Variants in UFM1 observed in about 807,000 individuals in gnomAD.
UFM1 encodes the protein ubiquitin fold modifier 1.
A neutral mutation model predicts 15.4 loss-of-function variants in UFM1; 9 were observed. The observed-to-expected ratio is 0.59, with a 90% CI of 0.35 to 1.02. The LOEUF (loss-of-function observed/expected upper bound fraction) is 1.02, where lower values mean the gene tolerates loss of function less well. Among genes scored for constraint, UFM1 ranks in the 50% least tolerant of loss-of-function variants. The pLI is 0.02. For synonymous variants in UFM1, 27 were observed against 36.3 expected (o/e 0.74, Z 0.92); for missense variants, 98 against 104.7 (o/e 0.94, Z 0.28).
intron 3 of UFM1, chr13:38,354,640 T>G (rs1280694659): frequency 5.8e-6 from 1 of 173,478 alleles, no homozygotes; most frequent in African/African-American, 2.4e-5. Context: ...TTACTAGTCT[T>G]GATTCCAAAA....
At chr13:38,352,218 C>T (rs1441070874) in intron 2 of UFM1, among the ~76,000 whole-genome samples, 1 of 151,532 alleles carries the variant, frequency 6.6e-6, no homozygotes, top group Non-Finnish European at 1.5e-5. Context: ...CTTCCTCAGC[C>T]TCCCAAATAG....
chr13:38,357,690 A>G (rs1879170491), intron 3 of UFM1, among the ~76,000 whole-genome samples: 1 of 151,988 alleles, frequency 6.6e-6, no homozygotes, highest in Admixed American at 6.6e-5. Flanking sequence ...CAGACAGGCG[A>G]TTAATATGTA....
At chr13:38,353,210 A>G (rs1878941083) in intron 2 of UFM1, among the ~76,000 whole-genome samples, 1 of 152,124 alleles carries the variant, frequency 6.6e-6, no homozygotes, top group Non-Finnish European at 1.5e-5. Flanking sequence ...ATAGTCAGAG[A>G]TCTGTAGACT....
At chr13:38,360,670 A>T (rs1345727295) in intron 5 of UFM1, 41 bp from the exon 6 acceptor site, 2 of 1,439,922 alleles carry the variant, frequency 1.4e-6, no homozygotes, top group East Asian at 4.6e-5. Context: ...AGATAACTTG[A>T]TTTTTAGATA....
intron 2 of UFM1, 117 bp downstream of exon 2, chr13:38,350,172 A>G (rs763813597): frequency 1.2e-5 from 19 of 1,613,668 alleles, no homozygotes; most frequent in South Asian, 4.4e-5. Context: ...CACTTCATCT[A>G]CTTTCCTGGC....
At chr13:38,351,654 T>A (rs1041601497) in intron 2 of UFM1, among the ~76,000 whole-genome samples, 3 of 152,240 alleles carry the variant, frequency 2.0e-5, no homozygotes, top group Admixed American at 6.5e-5. Context: ...GGTTTTTCCC[T>A]TTCTACTGGA....
In UFM1 at chr13:38,350,020, C is replaced by G. The variant is rs1288791749; in HGVS notation, c.24C>G (p.Ile8Met). MSKVSFKITLTSDPRLPY... is the reference protein window; with the variant it reads MSKVSFKMTLTSDPRLPY... ...TCAGGTCGAAGGTTTCCTTTAAGAT[C>G]ACGCTGACGTCGGACCCACGGCTGC... Residue 8 changes from isoleucine to methionine, a missense_variant, in exon 2 of 6, where the codon ATC becomes ATG. Coordinates refer to ENST00000239878, the MANE Select transcript of UFM1 (RefSeq NM_016617.4). 1.2e-6 allele frequency: 2 copies of G among 1,614,262 alleles called. No homozygotes were observed. The highest frequency in any genetic ancestry group is 1.7e-6 in the Non-Finnish European group (2 of 1,180,054).
chr13:38,351,398 T>TA (rs1878842611), intron 2 of UFM1, among the ~76,000 whole-genome samples: 1 of 151,634 alleles, frequency 6.6e-6, no homozygotes. Context: ...AAAGATTGTT[T>TA]AAAAATTTCA....
chr13:38,351,073 T>C (rs1395966159), intron 2 of UFM1, among the ~76,000 whole-genome samples: 1 of 152,230 alleles, frequency 6.6e-6, no homozygotes, highest in Non-Finnish European at 1.5e-5. Flanking sequence ...TTAATCACAG[T>C]GATTTTTTAT....
chr13:38,350,593 A>G (rs73460276), intron 2 of UFM1, among the ~76,000 whole-genome samples: 3,298 of 152,230 alleles, frequency 0.022, 99 homozygotes, highest in African/African-American at 0.074. Context: ...CACCCTTCCT[A>G]TGCTGGGATT....
chr13:38,350,082 T>C, intron 2 of UFM1, 27 bp downstream of exon 2: 1 of 1,614,190 alleles, frequency 6.2e-7, no homozygotes, highest in African/African-American at 1.3e-5. Flanking sequence ...AGATGGGCCT[T>C]TTGGGGCCGG....
At position 38,350,069 on chromosome 13, in the gene UFM1, C is replaced by A; in HGVS notation, c.59+14C>A. 1.9e-6 allele frequency: 3 copies of A among 1,614,236 alleles called. No individual in the cohort carries two copies. Among genetic ancestry groups the A allele is most frequent in the Non-Finnish European group, 2.5e-6 (3 of 1,180,048 alleles). Reference sequence around the variant, plus strand: ...GCCGTACAAAGTGTGAGTAGCTCGGCCGAGATGGGCCTTTTGGGGCCGGAC... The same window carrying A: ...GCCGTACAAAGTGTGAGTAGCTCGGACGAGATGGGCCTTTTGGGGCCGGAC... On this transcript the variant is annotated intron_variant, in intron 2 of 5. Transcript: ENST00000239878.
In UFM1 at chr13:38,362,404, A is replaced by C. The variant is rs1879449266; in HGVS notation, c.*1626A>C. ...CAGGATTATGAATTATCAAAGGAAAAAGTATTTGCTGAGGTGAAAAAATCT... is the reference window on the plus strand; with the variant it reads ...CAGGATTATGAATTATCAAAGGAAACAGTATTTGCTGAGGTGAAAAAATCT... On this transcript the variant is annotated 3_prime_UTR_variant, in exon 6 of 6. Coordinates refer to ENST00000239878, the MANE Select transcript of UFM1 (RefSeq NM_016617.4). 1 of 152,114 alleles carries C rather than the reference A, an allele frequency of 6.6e-6. No individual in the cohort carries two copies. The highest frequency in any genetic ancestry group is 1.5e-5 in the Non-Finnish European group (1 of 68,008). 9.4% of individuals were successfully genotyped at this position (152,114 alleles called of 1,614,324 possible).
intron 2 of UFM1, 22 bp from the exon 3 acceptor site, chr13:38,354,217 T>A: frequency 6.2e-7 from 1 of 1,604,892 alleles, no homozygotes; most frequent in Non-Finnish European, 8.5e-7. Context: ...TAAAAGAAAC[T>A]GTTTTAAAAT....
At chr13:38,350,281 T>A (rs1335747023) in intron 2 of UFM1, 1 of 1,535,144 alleles carries the variant, frequency 6.5e-7, no homozygotes, top group Non-Finnish European at 8.8e-7. Flanking sequence ...GTCACGAGGG[T>A]GTGGGTGTGT....
At position 38,361,982 on chromosome 13, in the gene UFM1, A is replaced by T. The variant is rs970417013; in HGVS notation, c.*1204A>T. On this transcript the variant is annotated 3_prime_UTR_variant, in exon 6 of 6. Transcript: ENST00000239878. ...ACATACAGACTTCAAAATACCCCTT[A>T]TGAGAATCCAAAGAATGATGTGTGT... 1.1e-4 allele frequency: 17 copies of T among 152,338 alleles called. No homozygotes were observed. Among genetic ancestry groups the T allele is most frequent in the African/African-American group, 4.1e-4 (17 of 41,580 alleles). The allele number at this position is 152,338 out of a possible 1,614,324, so 9.4% of individuals were successfully genotyped here. A position where few individuals can be genotyped will look rare whatever the true frequency, so the allele number is the denominator to read the frequency against.
At chr13:38,350,354 G>A in intron 2 of UFM1, 1 of 992,674 alleles carries the variant, frequency 1.0e-6, no homozygotes, top group Non-Finnish European at 1.5e-6. Context: ...AGGACAGGTG[G>A]ACCAGGTTCT....
chr13:38,351,845 G>T (rs757597871), intron 2 of UFM1, among the ~76,000 whole-genome samples: 43 of 152,144 alleles, frequency 2.8e-4, no homozygotes, highest in Non-Finnish European at 5.1e-4. Context: ...GTGTGTAGTT[G>T]TGTGTGTATG....
rs376995470 is a variant in UFM1 at position 38,350,245 on chromosome 13, A to G, written c.59+190A>G. ...GAGGAGAGGTCCGTACTTGCTCGCT[A>G]AGTGTCAGCTTGGCAGCTTGGCCCC... is the stretch of plus-strand genomic sequence containing the variant. On this transcript the variant is annotated intron_variant, in intron 2 of 5. Transcript: ENST00000239878. 149 of 1,597,292 alleles carry G rather than the reference A, an allele frequency of 9.3e-5. No individual in the cohort carries two copies. The African/African-American group carries it at 1.9e-3, about 20-fold the overall frequency.
Sources: gnomAD v4.1 joint callset for allele counts (sites outside exome capture counted in the v4.1 genomes callset) on GRCh38, gnomAD v4.1.1 for gene constraint, MANE v1.5 for transcripts, NCBI Gene and HGNC (gene_info 2026-07-23, HGNC 2026-07-21) for gene names.